Variants in DDRGK1 observed in about 807,000 individuals in gnomAD.
DDRGK1 encodes the protein DDRGK domain containing 1.
A neutral mutation model predicts 45.8 loss-of-function variants in DDRGK1; 38 were observed. The ratio of observed to expected loss-of-function variants is 0.83; its 90% CI spans 0.64 to 1.09. The LOEUF (loss-of-function observed/expected upper bound fraction) is 1.09. Among genes scored for constraint, DDRGK1 ranks in the 50% least tolerant of loss-of-function variants. DDRGK1 has a pLI of 0.00. For synonymous variants in DDRGK1, 171 were observed against 168.7 expected (o/e 1.01, Z -0.11); for missense variants, 403 against 419.9 (o/e 0.96, Z 0.35).
intron 4 of DDRGK1, among the ~76,000 whole-genome samples, chr20:3,195,755 A>G (rs1470564576): frequency 1.3e-5 from 2 of 151,316 alleles, no homozygotes; most frequent in African/African-American, 4.9e-5. Context: ...TTTCCTCACC[A>G]CCCACTCACC....
At chr20:3,194,910 C>G (rs2295549) in intron 5 of DDRGK1, 42 bp from the exon 6 acceptor site, 588,456 of 1,607,728 alleles carry the variant, frequency 0.37, 109,861 homozygotes, top group South Asian at 0.5. Flanking sequence ...CCCTAGCAAG[C>G]CCACAGGGTT....
At chr20:3,196,825 C>A (rs1024133364) in intron 4 of DDRGK1, among the ~76,000 whole-genome samples, 1 of 152,118 alleles carries the variant, frequency 6.6e-6, no homozygotes, top group Non-Finnish European at 1.5e-5. Context: ...ACTGAAAGGG[C>A]TCCCAATGGT....
Position 3,190,791 on chromosome 20 carries a change from G to C in DDRGK1, c.807C>G (p.Ile269Met), listed in dbSNP as rs3171339. 6 of 1,613,678 alleles carry C rather than the reference G, an allele frequency of 3.7e-6. No homozygotes were observed. The highest frequency in any genetic ancestry group is 2.7e-5 in the African/African-American group (2 of 75,058). Reference protein sequence around the residue: ...TGVIDDRGKFIYITPEELAAV... With the variant: ...TGVIDDRGKFMYITPEELAAV... ...CGGCCAGTTCCTCTGGGGTTATGTAGATGAACTTGCCCCGGTCGTCAATCA... is the reference window on the plus strand; with the variant it reads ...CGGCCAGTTCCTCTGGGGTTATGTACATGAACTTGCCCCGGTCGTCAATCA... The change falls in exon 9 of 9, where the codon ATC (isoleucine) becomes ATG (methionine). Residue 269 changes from isoleucine to methionine, a missense_variant. Coordinates refer to ENST00000354488, the MANE Select transcript of DDRGK1 (RefSeq NM_023935.3).
intron 6 of DDRGK1, 21 bp downstream of exon 6, chr20:3,194,809 C>A (rs139064830): frequency 1.1e-5 from 17 of 1,614,106 alleles, no homozygotes; most frequent in Middle Eastern, 3.3e-4. Flanking sequence ...GACACTCAGG[C>A]TCTGTTCAGT....
In DDRGK1 at chr20:3,190,829, C is replaced by A; in HGVS notation, c.779-10G>T. 1 of 1,606,994 alleles carries A rather than the reference C, an allele frequency of 6.2e-7. No homozygotes were observed. The highest frequency in any genetic ancestry group is 8.5e-7 in the Non-Finnish European group (1 of 1,176,254). Reference sequence around the variant, plus strand: ...CGGTCGTCAATCACACCTGTGGGGACATGCAGGTTGTGGGGCTGAGGCCTC... The same window carrying A: ...CGGTCGTCAATCACACCTGTGGGGAAATGCAGGTTGTGGGGCTGAGGCCTC... On this transcript the variant is annotated splice_polypyrimidine_tract_variant and intron_variant, in intron 8 of 8. Coordinates refer to ENST00000354488, the MANE Select transcript of DDRGK1 (RefSeq NM_023935.3).
chr20:3,200,576 C>T, intron 2 of DDRGK1, 122 bp from the exon 3 acceptor site: 7 of 814,854 alleles, frequency 8.6e-6, no homozygotes, highest in South Asian at 6.6e-5. Flanking sequence ...GCAAATGTCA[C>T]TAGCCCAGCT....
At chr20:3,192,119 G>GAT (rs2066992244) in intron 6 of DDRGK1, among the ~76,000 whole-genome samples, 1 of 79,334 alleles carries the variant, frequency 1.3e-5, no homozygotes, top group Non-Finnish European at 2.8e-5. Flanking sequence ...TGGACTCCGA[G>GAT]ACACACGAGT....
At chr20:3,203,488 C>T (rs2295553) in intron 1 of DDRGK1, 72 bp from the exon 2 acceptor site, 737,734 of 1,433,712 alleles carry the variant, frequency 0.51, 191,646 homozygotes, top group African/African-American at 0.63. Context: ...AGCGGCAGCC[C>T]GGAAGCCTCA....
chr20:3,194,871 A>C lies in DDRGK1; in HGVS notation c.634-3T>G. ...AACTCTGTCAGGAAGCTCTGGGACT[A>C]GAGAAGCAGAGAAATCAGGGTGAGC... On this transcript the variant is annotated splice_polypyrimidine_tract_variant and splice_region_variant and intron_variant, in intron 5 of 8. Coordinates refer to ENST00000354488, the MANE Select transcript of DDRGK1 (RefSeq NM_023935.3). 6.2e-7 allele frequency: 1 copy of C among 1,614,024 alleles called. No individual in the cohort carries two copies.
intron 2 of DDRGK1, among the ~76,000 whole-genome samples, chr20:3,201,917 C>T (rs1160502981): frequency 6.6e-6 from 1 of 151,976 alleles, no homozygotes; most frequent in Non-Finnish European, 1.5e-5. Context: ...CCGCCTCGGC[C>T]TCCCAAAGTG....
chr20:3,191,413 G>C (rs1455223644), intron 7 of DDRGK1, 175 bp from the exon 8 acceptor site: 2 of 709,714 alleles, frequency 2.8e-6, no homozygotes, highest in Non-Finnish European at 4.9e-6. Context: ...CTGGTCCTGG[G>C]CCCTGCAAGA....
At chr20:3,193,261 T>C (rs8119219) in intron 6 of DDRGK1, among the ~76,000 whole-genome samples, 46,059 of 152,108 alleles carry the variant, frequency 0.3, 7,117 homozygotes, top group South Asian at 0.44. Context: ...GCAAAAAAGG[T>C]CTATCCCCTT....
intron 1 of DDRGK1, among the ~76,000 whole-genome samples, chr20:3,203,681 C>G (rs1486965647): frequency 6.6e-6 from 1 of 152,228 alleles, no homozygotes; most frequent in Non-Finnish European, 1.5e-5. Flanking sequence ...TGTCAGGAGG[C>G]CCCTATCCTG....
chr20:3,192,515 A>G (rs961465525), intron 6 of DDRGK1, among the ~76,000 whole-genome samples: 2 of 152,170 alleles, frequency 1.3e-5, no homozygotes, highest in African/African-American at 4.8e-5. Context: ...ACAACCTGAC[A>G]CACCCACACT....
At chr20:3,204,417 C>A in intron 1 of DDRGK1, 120 bp downstream of exon 1, 2 of 1,000,778 alleles carry the variant, frequency 2.0e-6, no homozygotes, top group South Asian at 1.6e-5. Context: ...AGCGCACGGA[C>A]GCGCATGCGT....
Position 3,200,102 on chromosome 20 carries a change from C to A in DDRGK1, c.409G>T (p.Ala137Ser). The change falls in exon 4 of 9, where the codon GCA (alanine) becomes TCA (serine). Residue 137 changes from alanine (A) to serine (S), a missense_variant and splice_region_variant. Ala to Ser is a moderately conservative substitution (Grantham distance 99, BLOSUM62 1). Coordinates refer to ENST00000354488, the MANE Select transcript of DDRGK1 (RefSeq NM_023935.3). ...CGCTCCTCACGTTCAGCCTCCTCTG[C>A]CTGGAGAGAGGTCTTCATAGGGGCA... ...EKQARKAQRE[A>S]EEAEREERKR... 1 of 1,612,992 alleles carries A rather than the reference C, an allele frequency of 6.2e-7. No homozygotes were observed. The highest frequency in any genetic ancestry group is 1.1e-5 in the South Asian group (1 of 90,908).
rs754750039 is a variant in DDRGK1 at position 3,204,533 on chromosome 20, C to T, written c.91+4G>A. The T allele has an allele frequency of 6.4e-7, 1 of 1,557,806 alleles. No individual in the cohort carries two copies. The highest frequency in any genetic ancestry group is 8.6e-7 in the Non-Finnish European group (1 of 1,158,412). On this transcript the variant is annotated splice_donor_region_variant and intron_variant, in intron 1 of 8. Coordinates refer to ENST00000354488, the MANE Select transcript of DDRGK1 (RefSeq NM_023935.3). ...ACCAACCCTGGTGCAGCGGCATCTC[C>T]TACCTGATGCCGCCCGGCCCCGGCT...
chr20:3,195,086 TG>T, intron 5 of DDRGK1, 144 bp downstream of exon 5: 1 of 1,436,898 alleles, frequency 7.0e-7, no homozygotes, highest in Non-Finnish European at 9.5e-7. Context: ...ACAAGGCCTC[TG>T]GCCACTAAAG....
In DDRGK1 at chr20:3,204,672, G is replaced by A. The variant is rs761290997; in HGVS notation, c.-45C>T. 5 of 1,527,088 alleles carry A rather than the reference G, an allele frequency of 3.3e-6. No homozygotes were observed. Among genetic ancestry groups the A allele is most frequent in the Non-Finnish European group, 3.5e-6 (4 of 1,135,376 alleles). 94.6% of individuals were successfully genotyped at this position (1,527,088 alleles called of 1,614,324 possible). On this transcript the variant is annotated 5_prime_UTR_variant, in exon 1 of 9. Coordinates refer to ENST00000354488, the MANE Select transcript of DDRGK1 (RefSeq NM_023935.3). ...AACCACTGCGTCCACCCTGAGGCCG[G>A]GATCTCATAGGCCCCGCCCCTATTT...
Sources: gnomAD v4.1 joint callset for allele counts (sites outside exome capture counted in the v4.1 genomes callset) on GRCh38, gnomAD v4.1.1 for gene constraint, MANE v1.5 for transcripts, NCBI Gene and HGNC (gene_info 2026-07-23, HGNC 2026-07-21) for gene names.